The following TG variants were observed in gnomAD, a reference collection of about 807,000 sequenced individuals.
TG encodes the protein thyroid hormones.
A neutral mutation model predicts 324.7 loss-of-function variants in TG; 270 were observed. The observed-to-expected ratio is 0.83, with a 90% CI of 0.75 to 0.92. The LOEUF (loss-of-function observed/expected upper bound fraction) is 0.92, where lower values mean the gene tolerates loss of function less well. Among genes scored for constraint, TG ranks in the 40% least tolerant of loss-of-function variants. The pLI is 0.00. For missense variants in TG, 3,591 were observed against 3,456.4 expected, an observed-to-expected ratio of 1.04 and a Z score of -0.98; for synonymous variants, 1,401 against 1,327.0, an observed-to-expected ratio of 1.06 and a Z score of -1.21.
intron 18 of TG, 53 bp from the exon 19 acceptor site, chr8:132,911,324 A>C (rs1326779965): frequency 1.2e-6 from 2 of 1,614,060 alleles, no homozygotes; most frequent in Non-Finnish European, 1.7e-6. Context: ...GGACCCAACA[A>C]AACTAGCTTT....
chr8:133,121,966 C>G (rs1588140189), intron 45 of TG, among the ~76,000 whole-genome samples: 1 of 151,556 alleles, frequency 6.6e-6, no homozygotes, highest in South Asian at 2.1e-4. Flanking sequence ...CTCTCTTTCT[C>G]TCTCTCTCTC....
intron 45 of TG, among the ~76,000 whole-genome samples, chr8:133,121,342 G>A (rs1482522659): frequency 6.6e-6 from 1 of 152,146 alleles, no homozygotes; most frequent in East Asian, 1.9e-4. Flanking sequence ...GGAGGGGGCA[G>A]GTCTGAGCCT....
At chr8:133,040,291 G>A (rs2131076933) in intron 41 of TG, 2 of 723,988 alleles carry the variant, frequency 2.8e-6, no homozygotes, top group Non-Finnish European at 4.5e-6. Flanking sequence ...AATGCTGAAA[G>A]TCACGCGCCC....
intron 3 of TG, among the ~76,000 whole-genome samples, chr8:132,870,844 AACTC>A (rs1412310794): frequency 1.1e-4 from 16 of 152,046 alleles, no homozygotes; most frequent in African/African-American, 3.9e-4. Context: ...ATAGAGCTGG[AACTC>A]ACTCACTCCG....
intron 41 of TG, among the ~76,000 whole-genome samples, chr8:133,084,702 TC>T (rs1324692024): frequency 1.4e-4 from 21 of 152,060 alleles, no homozygotes; most frequent in African/African-American, 5.1e-4. Flanking sequence ...AAGGCTCAGG[TC>T]CTCTCCATTT....
chr8:133,058,493 C>A (rs1841864536), intron 41 of TG, among the ~76,000 whole-genome samples: 1 of 152,370 alleles, frequency 6.6e-6, no homozygotes, highest in Non-Finnish European at 1.5e-5. Flanking sequence ...GAGGTTCGCT[C>A]AAGCATGCTG....
At chr8:133,117,019 G>A (rs184719895) in intron 45 of TG, among the ~76,000 whole-genome samples, 100 of 152,346 alleles carry the variant, frequency 6.6e-4, no homozygotes, top group African/African-American at 2.4e-3. Flanking sequence ...GATTCCTCCA[G>A]AGACTGAGCA....
At chr8:133,079,778 T>C (rs1413074551) in intron 41 of TG, among the ~76,000 whole-genome samples, 1 of 152,108 alleles carries the variant, frequency 6.6e-6, no homozygotes, top group South Asian at 2.1e-4. Context: ...GAAAACCAAG[T>C]GTAAGCTAAT....
At chr8:133,116,506 G>T (rs930224219) in intron 44 of TG, 103 bp from the exon 45 acceptor site, 63 of 975,372 alleles carry the variant, frequency 6.5e-5, no homozygotes, top group Non-Finnish European at 6.0e-5. Flanking sequence ...GCAGGGGTGG[G>T]TTGGGGGCCC....
chr8:132,964,955 C>A, intron 29 of TG: 1 of 702,058 alleles, frequency 1.4e-6, no homozygotes, highest in South Asian at 1.5e-5. Context: ...AAAAGGTGTT[C>A]CAGGTAAGGG....
intron 16 of TG, among the ~76,000 whole-genome samples, chr8:132,903,810 C>T (rs1193552701): frequency 6.6e-6 from 1 of 152,144 alleles, no homozygotes; most frequent in African/African-American, 2.4e-5. Context: ...TGGGCTGGTC[C>T]CCTAACCTCT....
chr8:133,012,298 T>A (rs1834587623), intron 36 of TG, among the ~76,000 whole-genome samples: 1 of 152,054 alleles, frequency 6.6e-6, no homozygotes, highest in Non-Finnish European at 1.5e-5. Context: ...ATCTAGTGGG[T>A]TAGTCTGAGG....
chr8:133,118,198 A>G (rs1431952123), intron 45 of TG, among the ~76,000 whole-genome samples: 2 of 151,700 alleles, frequency 1.3e-5, no homozygotes, highest in African/African-American at 4.8e-5. Flanking sequence ...TGATTTGGCC[A>G]CCTTCCTGCC....
In TG at chr8:133,042,914, G is replaced by A. The variant is rs551655685; in HGVS notation, c.7239+12891G>A. 9.2e-5 allele frequency among the ~76,000 whole-genome samples: 14 copies of A among 151,590 alleles called. No homozygotes were observed. The South Asian group carries it at 2.1e-3, about 23-fold the overall frequency. On this transcript the variant is annotated intron_variant, in intron 41 of 47. Coordinates refer to ENST00000220616, the MANE Select transcript of TG (RefSeq NM_003235.5). ...TCACCATGTTGGTCAGACTAGCCTCGAACTCCTGACCTCAGGCGATCCGCC... is the reference window on the plus strand; with the variant it reads ...TCACCATGTTGGTCAGACTAGCCTCAAACTCCTGACCTCAGGCGATCCGCC...
intron 26 of TG, among the ~76,000 whole-genome samples, chr8:132,945,315 A>G (rs1248345412): frequency 6.6e-6 from 1 of 152,198 alleles, no homozygotes; most frequent in Non-Finnish European, 1.5e-5. Context: ...GGCAAATTCA[A>G]TAAGACTTTG....
intron 40 of TG, among the ~76,000 whole-genome samples, chr8:133,025,057 C>T (rs1172766862): frequency 6.6e-6 from 1 of 152,206 alleles, no homozygotes; most frequent in Non-Finnish European, 1.5e-5. Flanking sequence ...GTCCCACATT[C>T]CCAGACTTCC....
chr8:132,878,710 C>G (rs371365416), intron 5 of TG, among the ~76,000 whole-genome samples: 1 of 152,202 alleles, frequency 6.6e-6, no homozygotes, highest in East Asian at 1.9e-4. Context: ...TTGTACCTCC[C>G]TCGGTGACTA....
At chr8:132,923,159 C>T (rs543621523) in intron 21 of TG, among the ~76,000 whole-genome samples, 179 bp from the exon 22 acceptor site, 2 of 151,954 alleles carry the variant, frequency 1.3e-5, no homozygotes, top group Admixed American at 6.6e-5. Flanking sequence ...GGGTGGGTGG[C>T]GGCCAAATCA....
At chr8:132,885,687 C>T (rs1308395860) in intron 8 of TG, among the ~76,000 whole-genome samples, 2 of 152,136 alleles carry the variant, frequency 1.3e-5, no homozygotes, top group East Asian at 3.8e-4. Context: ...TACTAGTCTC[C>T]TAGAGCTGCC....
Sources: allele counts gnomAD v4.1 joint callset (sites outside exome capture counted in the v4.1 genomes callset), GRCh38; gene constraint gnomAD v4.1.1; transcripts MANE v1.5; gene names NCBI Gene and HGNC (gene_info 2026-07-23, HGNC 2026-07-21).